The following IGFL2 variants were observed in gnomAD, a reference collection of about 807,000 sequenced individuals.
The protein encoded by IGFL2 is insulin growth factor-like family member 2.
In IGFL2, 7 loss-of-function variants were observed where a neutral mutation model predicts 13.9. The ratio of observed to expected loss-of-function variants is 0.51; its 90% confidence interval spans 0.29 to 0.95. IGFL2 has a LOEUF of 0.95. Ranked by LOEUF, IGFL2 falls within the 40% of genes least tolerant of loss-of-function variation. The pLI is 0.08. For missense variants in IGFL2, 138 were observed against 147.8 expected (o/e 0.93, Z 0.34); for synonymous variants, 55 against 55.8 (o/e 0.99, Z 0.07).
chr19:46,201,352 A>G, the IGFL2 span, among the ~76,000 whole-genome samples: 1 of 152,020 alleles, frequency 6.6e-6, no homozygotes, highest in Non-Finnish European at 1.5e-5. Flanking sequence ...CTTGCTGCCC[A>G]CTCCAGTCTC....
At chr19:46,147,250 A>T (rs1973185242), upstream of IGFL2, among the ~76,000 whole-genome samples, 1 of 152,172 alleles carries the variant, frequency 6.6e-6, no homozygotes, top group Admixed American at 6.5e-5. Context: ...AATTATAATA[A>T]TGGATATGGT....
At chr19:46,105,108 C>T in the IGFL2 span, among the ~76,000 whole-genome samples, 1 of 152,162 alleles carries the variant, frequency 6.6e-6, no homozygotes, top group East Asian at 1.9e-4. Flanking sequence ...TGAATGACTC[C>T]AGCTTCCTTT....
chr19:46,199,745 A>G, the IGFL2 span, among the ~76,000 whole-genome samples: 1 of 152,214 alleles, frequency 6.6e-6, no homozygotes, highest in African/African-American at 2.4e-5. Context: ...GCCTCGAGCC[A>G]TCCCAGGAAA....
chr19:46,204,321 T>TG, the IGFL2 span: 58,213 of 151,710 alleles, frequency 0.38, 12,211 homozygotes, highest in Middle Eastern at 0.51. Context: ...GGCCTGGGAC[T>TG]GGGGGGGGTT....
the IGFL2 span, among the ~76,000 whole-genome samples, chr19:46,179,841 G>A: frequency 1.6e-4 from 25 of 152,166 alleles, no homozygotes; most frequent in African/African-American, 5.5e-4. Flanking sequence ...GCTTGATCCC[G>A]GGAGGTGGAG....
chr19:46,090,370 A>G, the IGFL2 span, among the ~76,000 whole-genome samples: 1 of 152,138 alleles, frequency 6.6e-6, no homozygotes, highest in South Asian at 2.1e-4. Context: ...CTTTATTGTT[A>G]GTCACTGGTG....
At chr19:46,089,248 A>G in the IGFL2 span, among the ~76,000 whole-genome samples, 1 of 152,150 alleles carries the variant, frequency 6.6e-6, no homozygotes, top group African/African-American at 2.4e-5. Flanking sequence ...TTTGATAACA[A>G]AAAAGCCCAC....
chr19:46,200,068 G>A, the IGFL2 span, among the ~76,000 whole-genome samples: 1 of 151,914 alleles, frequency 6.6e-6, no homozygotes, highest in Admixed American at 6.6e-5. Flanking sequence ...GTAGAGATGG[G>A]GTTTCACCAT....
the IGFL2 span, among the ~76,000 whole-genome samples, chr19:46,086,339 T>C: frequency 6.6e-6 from 1 of 152,144 alleles, no homozygotes; most frequent in South Asian, 2.1e-4. Flanking sequence ...TTTCTTGTTT[T>C]TTGGAGATGG....
At chr19:46,108,577 C>CAGAGAAAAGAGAGGGT in the IGFL2 span, among the ~76,000 whole-genome samples, 2 of 151,944 alleles carry the variant, frequency 1.3e-5, no homozygotes, top group Admixed American at 1.3e-4. Flanking sequence ...GAGGCAAGCC[C>CAGAGAAAAGAGAGGGT]AGAGAAAAGA....
chr19:46,097,166 A>T, the IGFL2 span, among the ~76,000 whole-genome samples: 1 of 152,034 alleles, frequency 6.6e-6, no homozygotes, highest in African/African-American at 2.4e-5. Context: ...TGGTTGGTAG[A>T]CTATTTATTA....
At chr19:46,194,852 A>ATTTTTTTTTTTTTTTTTT in the IGFL2 span, among the ~76,000 whole-genome samples, 1 of 31,596 alleles carries the variant, frequency 3.2e-5, no homozygotes, top group Non-Finnish European at 5.6e-5. Context: ...ATATATATAT[A>ATTTTTTTTTTTTTTTTTT]TTTTTTTTTT....
At chr19:46,214,572 G>A in the IGFL2 span, 2 of 152,158 alleles carry the variant, frequency 1.3e-5, no homozygotes, top group East Asian at 2.0e-4. Flanking sequence ...TCACAGCAGC[G>A]CTGCATGGTC....
At position 46,153,808 on chromosome 19, in the gene IGFL2, T is replaced by G. The variant is rs571791321; in HGVS notation, c.19+5511T>G. Among the ~76,000 whole-genome samples the G allele has an allele frequency of 8.6e-4, 125 of 146,156 alleles. 2 individuals carry two copies. The Middle Eastern group carries it at 0.018, about 21-fold the overall frequency. On this transcript the variant is annotated intron_variant, in intron 1 of 3. Coordinates refer to ENST00000377693, the MANE Select transcript of IGFL2 (RefSeq NM_001135113.2). ...TAGCTTTTGCCTTTTTATTACAAAT[T>G]ATATATGTGTATATATATATATATA...
At chr19:46,125,103 C>T in the IGFL2 span, among the ~76,000 whole-genome samples, 8 of 152,298 alleles carry the variant, frequency 5.3e-5, no homozygotes, top group East Asian at 1.4e-3. Flanking sequence ...TCTATATTCC[C>T]CAAGCACGAT....
the IGFL2 span, chr19:46,111,011 C>A: frequency 6.6e-6 from 1 of 152,022 alleles, no homozygotes; most frequent in Admixed American, 6.6e-5. Context: ...TTACTTCTAG[C>A]AACATAAATA....
At chr19:46,207,258 G>C in the IGFL2 span, 1 of 152,038 alleles carries the variant, frequency 6.6e-6, no homozygotes, top group African/African-American at 2.4e-5. Context: ...TTATCTCCTC[G>C]CCATTGCCAC....
At chr19:46,202,095 G>A in the IGFL2 span, among the ~76,000 whole-genome samples, 6 of 152,132 alleles carry the variant, frequency 3.9e-5, no homozygotes, top group Non-Finnish European at 7.3e-5. Context: ...AGAAAAAGAA[G>A]ATTTAAAGGA....
chr19:46,091,857 T>TCA, the IGFL2 span, among the ~76,000 whole-genome samples: 4 of 152,216 alleles, frequency 2.6e-5, no homozygotes, highest in Non-Finnish European at 5.9e-5. Flanking sequence ...AAAAATGAAC[T>TCA]CAAACAGCAT....
Sources: gnomAD v4.1 joint callset for allele counts (sites outside exome capture counted in the v4.1 genomes callset) on GRCh38, gnomAD v4.1.1 for gene constraint, MANE v1.5 for transcripts, NCBI Gene and HGNC (gene_info 2026-07-23, HGNC 2026-07-21) for gene names.